GPR158: variants seen among roughly 807,000 people sequenced by gnomAD.
GPR158 encodes metabotropic glycine receptor.
In GPR158, 30 loss-of-function variants were observed where a neutral mutation model predicts 78.2. That is an observed-to-expected ratio of 0.38 (90% CI 0.29 to 0.52). The LOEUF (loss-of-function observed/expected upper bound fraction) is 0.52, where lower values mean the gene tolerates loss of function less well. Among genes scored for constraint, GPR158 ranks in the 20% least tolerant of loss-of-function variants. GPR158 has a pLI of 0.83. For missense variants in GPR158, 1,463 were observed against 1,523.5 expected (o/e 0.96, Z 0.66); for synonymous variants, 581 against 591.1 (o/e 0.98, Z 0.25).
intron 5 of GPR158, among the ~76,000 whole-genome samples, chr10:25,524,678 A>G (rs888627642): frequency 6.6e-6 from 1 of 152,226 alleles, no homozygotes; most frequent in African/African-American, 2.4e-5. Flanking sequence ...AAAACTGTAG[A>G]ACTTTTAGAA....
At chr10:25,561,966 G>A (rs1836866459) in intron 6 of GPR158, among the ~76,000 whole-genome samples, 1 of 151,618 alleles carries the variant, frequency 6.6e-6, no homozygotes, top group Non-Finnish European at 1.5e-5. Context: ...CCAGATGGCT[G>A]AAGATACCCT....
At chr10:25,574,146 CAAAAAAAAAA>C (rs34285790) in intron 7 of GPR158, among the ~76,000 whole-genome samples, 6 of 62,308 alleles carry the variant, frequency 9.6e-5, no homozygotes, top group Admixed American at 2.4e-4. Flanking sequence ...TTCTGTTTTA[CAAAAAAAAAA>C]AAAAAAAAAA....
chr10:25,237,033 C>G (rs1482186163), intron 2 of GPR158, among the ~76,000 whole-genome samples: 1 of 152,084 alleles, frequency 6.6e-6, no homozygotes, highest in Non-Finnish European at 1.5e-5. Context: ...TATAGATTAC[C>G]TATCAATTAA....
intron 1 of GPR158, among the ~76,000 whole-genome samples, chr10:25,208,558 T>TTG (rs71399956): frequency 0.057 from 7,677 of 135,152 alleles, 294 homozygotes; most frequent in African/African-American, 0.11. Context: ...CTATGTGAAT[T>TTG]TGTGTGTGTG....
intron 2 of GPR158, among the ~76,000 whole-genome samples, chr10:25,325,635 A>G (rs1174252048): frequency 1.3e-5 from 2 of 152,130 alleles, no homozygotes; most frequent in African/African-American, 2.4e-5. Context: ...CCCAGAAGTG[A>G]GATTACTGGA....
At chr10:25,282,443 G>A (rs1266097424) in intron 2 of GPR158, among the ~76,000 whole-genome samples, 1 of 152,094 alleles carries the variant, frequency 6.6e-6, no homozygotes, top group Non-Finnish European at 1.5e-5. Context: ...AAATATTCAT[G>A]TACAGGTTTT....
At chr10:25,462,204 A>T (rs1835366337) in intron 4 of GPR158, among the ~76,000 whole-genome samples, 1 of 152,210 alleles carries the variant, frequency 6.6e-6, no homozygotes, top group Non-Finnish European at 1.5e-5. Flanking sequence ...ATGCTAAACC[A>T]ACTCTGCCTG....
intron 3 of GPR158, among the ~76,000 whole-genome samples, chr10:25,405,015 G>T (rs892583468): frequency 6.6e-6 from 1 of 151,978 alleles, no homozygotes; most frequent in African/African-American, 2.4e-5. Flanking sequence ...TCTCTATTTC[G>T]AAAGGTTGAA....
chr10:25,420,072 A>G (rs1176897499), intron 4 of GPR158, among the ~76,000 whole-genome samples: 2 of 152,138 alleles, frequency 1.3e-5, no homozygotes, highest in Non-Finnish European at 2.9e-5. Flanking sequence ...CTTACTAGAT[A>G]TATGGTTTGC....
At chr10:25,198,577 T>C (rs2765697) in intron 1 of GPR158, among the ~76,000 whole-genome samples, 33,073 of 152,106 alleles carry the variant, frequency 0.22, 5,054 homozygotes, top group African/African-American at 0.43. Flanking sequence ...TTATTAATGA[T>C]GCTAGAGAAA....
intron 5 of GPR158, 75 bp from the exon 6 acceptor site, chr10:25,550,901 A>G (rs1028265631): frequency 1.4e-5 from 11 of 771,162 alleles, no homozygotes; most frequent in East Asian, 1.2e-4. Flanking sequence ...ATGAAACATC[A>G]GGTTATGAGA....
At chr10:25,216,412 C>T (rs1461379401) in intron 1 of GPR158, among the ~76,000 whole-genome samples, 1 of 152,080 alleles carries the variant, frequency 6.6e-6, no homozygotes, top group East Asian at 1.9e-4. Flanking sequence ...TCTATCCAGT[C>T]TCTCTATCCA....
At chr10:25,529,754 C>T (rs181415493) in intron 5 of GPR158, among the ~76,000 whole-genome samples, 19 of 152,240 alleles carry the variant, frequency 1.2e-4, no homozygotes, top group African/African-American at 4.3e-4. Context: ...GTCACTCTCA[C>T]GACAGCCTTT....
At chr10:25,221,367 C>T (rs1311424473) in intron 2 of GPR158, among the ~76,000 whole-genome samples, 1 of 152,110 alleles carries the variant, frequency 6.6e-6, no homozygotes, top group Non-Finnish European at 1.5e-5. Flanking sequence ...GCCAAAACTA[C>T]AATTACATCT....
intron 4 of GPR158, among the ~76,000 whole-genome samples, chr10:25,450,427 T>C (rs555909207): frequency 1.3e-5 from 2 of 152,040 alleles, no homozygotes; most frequent in South Asian, 2.1e-4. Flanking sequence ...TTGACAGATA[T>C]TGGCATTGTG....
intron 5 of GPR158, among the ~76,000 whole-genome samples, chr10:25,530,465 G>A (rs780922608): frequency 3.9e-5 from 6 of 152,312 alleles, no homozygotes; most frequent in Admixed American, 6.5e-5. Context: ...GGAAAGGCAG[G>A]AGGCCCATCT....
intron 2 of GPR158, among the ~76,000 whole-genome samples, chr10:25,286,510 T>A (rs958999561): frequency 6.6e-6 from 1 of 152,148 alleles, no homozygotes; most frequent in Non-Finnish European, 1.5e-5. Flanking sequence ...CATTAGCACC[T>A]TTAACATATC....
At chr10:25,500,781 G>T in intron 5 of GPR158, among the ~76,000 whole-genome samples, 1 of 152,318 alleles carries the variant, frequency 6.6e-6, no homozygotes, top group East Asian at 1.9e-4. Context: ...CAGTCACAAA[G>T]TTATTGCACA....
At chr10:25,519,546 G>C (rs1192520844) in intron 5 of GPR158, among the ~76,000 whole-genome samples, 6 of 140,254 alleles carry the variant, frequency 4.3e-5, no homozygotes, top group Admixed American at 3.4e-4. Context: ...GCTTCCTTCA[G>C]GAGCTCTTTT....
Sources: allele counts gnomAD v4.1 joint callset (sites outside exome capture counted in the v4.1 genomes callset), GRCh38; gene constraint gnomAD v4.1.1; transcripts MANE v1.5; gene names NCBI Gene and HGNC (gene_info 2026-07-23, HGNC 2026-07-21).